The following SGCZ variants were observed in gnomAD, a reference collection of about 807,000 sequenced individuals.
SGCZ encodes zeta-sarcoglycan.
Under a neutral mutation model 41.3 loss-of-function variants are expected in SGCZ, and 40 were observed. The ratio of observed to expected loss-of-function variants is 0.97; its 90% CI spans 0.75 to 1.26. The LOEUF is 1.26. SGCZ is among the 50% of genes most tolerant of loss of function. The pLI, the probability that SGCZ is intolerant of heterozygous loss-of-function variation, is 0.00. For missense variants in SGCZ, 552 were observed against 369.8 expected, an observed-to-expected ratio of 1.49 and a Z score of -4.04; for synonymous variants, 206 against 137.5, an observed-to-expected ratio of 1.50 and a Z score of -3.49.
chr8:15,105,763 A>G (rs1806800432), intron 1 of SGCZ, among the ~76,000 whole-genome samples: 1 of 152,226 alleles, frequency 6.6e-6, no homozygotes, highest in Non-Finnish European at 1.5e-5. Flanking sequence ...ATGGGAAGGC[A>G]TAAGCACTCA....
At chr8:15,180,206 G>A (rs1800126736) in intron 1 of SGCZ, among the ~76,000 whole-genome samples, 1 of 152,054 alleles carries the variant, frequency 6.6e-6, no homozygotes, top group Non-Finnish European at 1.5e-5. Flanking sequence ...ACTACAAACA[G>A]GGAAATAATC....
intron 4 of SGCZ, among the ~76,000 whole-genome samples, chr8:14,232,902 G>C (rs1174990601): frequency 6.6e-6 from 1 of 152,002 alleles, no homozygotes; most frequent in African/African-American, 2.4e-5. Flanking sequence ...TAAAATTTCA[G>C]AAGAATGACA....
chr8:14,677,579 T>C (rs1047727413), intron 1 of SGCZ, among the ~76,000 whole-genome samples: 1 of 152,134 alleles, frequency 6.6e-6, no homozygotes, highest in African/African-American at 2.4e-5. Flanking sequence ...GAGGCCAGCC[T>C]GGCAAATACA....
At chr8:14,908,286 C>A (rs1395074024) in intron 1 of SGCZ, among the ~76,000 whole-genome samples, 1 of 152,088 alleles carries the variant, frequency 6.6e-6, no homozygotes, top group African/African-American at 2.4e-5. Context: ...CAGGTATGGT[C>A]CTTGTTTTGA....
At chr8:14,335,656 T>A (rs1476414713) in intron 2 of SGCZ, among the ~76,000 whole-genome samples, 1 of 152,112 alleles carries the variant, frequency 6.6e-6, no homozygotes, top group East Asian at 1.9e-4. Context: ...ATCCTTTTCC[T>A]CCTTGATAAT....
intron 1 of SGCZ, among the ~76,000 whole-genome samples, chr8:14,602,974 G>A (rs570982147): frequency 4.6e-4 from 70 of 152,242 alleles, no homozygotes; most frequent in Non-Finnish European, 7.4e-4. Context: ...TAGGCATGCC[G>A]AAGTAGAATC....
chr8:14,354,328 T>A (rs1196421733), intron 2 of SGCZ, among the ~76,000 whole-genome samples: 1 of 151,888 alleles, frequency 6.6e-6, no homozygotes, highest in African/African-American at 2.4e-5. Context: ...AATCTTTATA[T>A]AAATGTAATA....
At chr8:14,522,346 A>G (rs1173765817) in intron 2 of SGCZ, among the ~76,000 whole-genome samples, 1 of 152,026 alleles carries the variant, frequency 6.6e-6, no homozygotes, top group East Asian at 1.9e-4. Context: ...ATATTTAGTG[A>G]AATCTTCAGT....
chr8:14,949,087 C>G (rs1210300179), intron 1 of SGCZ, among the ~76,000 whole-genome samples: 2 of 152,090 alleles, frequency 1.3e-5, no homozygotes, highest in South Asian at 2.1e-4. Flanking sequence ...TTACACCGCC[C>G]AGAATTTGCT....
At chr8:14,150,959 G>A (rs1803689213) in intron 5 of SGCZ, among the ~76,000 whole-genome samples, 2 of 152,036 alleles carry the variant, frequency 1.3e-5, no homozygotes, top group African/African-American at 4.8e-5. Flanking sequence ...ACTTATTTGT[G>A]GGACCTAAAA....
chr8:14,696,963 TAA>T (rs35323308), intron 1 of SGCZ, among the ~76,000 whole-genome samples: 1 of 150,798 alleles, frequency 6.6e-6, no homozygotes, highest in African/African-American at 2.4e-5. Flanking sequence ...TTGATAAAGT[TAA>T]AAAAAAACAT....
intron 1 of SGCZ, among the ~76,000 whole-genome samples, chr8:15,217,614 G>C (rs1044538474): frequency 6.6e-6 from 1 of 152,266 alleles, no homozygotes; most frequent in East Asian, 1.9e-4. Context: ...AAACGTGGAA[G>C]GGACGAGACT....
intron 2 of SGCZ, among the ~76,000 whole-genome samples, chr8:14,508,483 AG>A (rs1563375042): frequency 1.3e-5 from 2 of 152,110 alleles, no homozygotes; most frequent in African/African-American, 4.8e-5. Context: ...GAACCCTCGG[AG>A]GCTTTGCATG....
At chr8:14,097,032 TC>T (rs1382776410) in intron 7 of SGCZ, among the ~76,000 whole-genome samples, 3 of 152,152 alleles carry the variant, frequency 2.0e-5, no homozygotes, top group African/African-American at 7.2e-5. Context: ...ATTTTGTTGA[TC>T]TTTTCAAAAA....
intron 3 of SGCZ, among the ~76,000 whole-genome samples, chr8:14,258,595 T>C (rs1799546994): frequency 6.6e-6 from 1 of 152,328 alleles, no homozygotes; most frequent in East Asian, 1.9e-4. Flanking sequence ...TAAAATTATA[T>C]TGAAAATTTA....
At chr8:14,442,734 T>G (rs1800307952) in intron 2 of SGCZ, among the ~76,000 whole-genome samples, 1 of 152,198 alleles carries the variant, frequency 6.6e-6, no homozygotes, top group Admixed American at 6.5e-5. Flanking sequence ...ATCTTCTGAT[T>G]TGTTTCATTG....
chr8:14,753,144 AT>A (rs1799551030), intron 1 of SGCZ, among the ~76,000 whole-genome samples: 2 of 152,146 alleles, frequency 1.3e-5, no homozygotes, highest in African/African-American at 2.4e-5. Context: ...TTCTATAATA[AT>A]GGGCTCTATC....
intron 1 of SGCZ, among the ~76,000 whole-genome samples, chr8:15,184,161 G>T (rs1800262420): frequency 6.6e-6 from 1 of 152,088 alleles, no homozygotes; most frequent in Non-Finnish European, 1.5e-5. Context: ...TAATATGCTT[G>T]CTCATAAAAA....
intron 1 of SGCZ, among the ~76,000 whole-genome samples, chr8:14,826,107 C>T (rs1802301021): frequency 7.0e-6 from 1 of 142,968 alleles, no homozygotes; most frequent in Non-Finnish European, 1.5e-5. Flanking sequence ...CCTATGTCCC[C>T]AAAGTGTGAT....
Sources: gnomAD v4.1 joint callset for allele counts (sites outside exome capture counted in the v4.1 genomes callset) on GRCh38, gnomAD v4.1.1 for gene constraint, MANE v1.5 for transcripts, NCBI Gene and HGNC (gene_info 2026-07-23, HGNC 2026-07-21) for gene names.